The following PRDM6 variants were observed in gnomAD, a reference collection of about 807,000 sequenced individuals.
PRDM6 encodes putative histone-lysine N-methyltransferase PRDM6.
Under a neutral mutation model 60.8 loss-of-function variants are expected in PRDM6, and 25 were observed. The observed-to-expected ratio is 0.41, with a 90% CI of 0.30 to 0.57. The LOEUF (loss-of-function observed/expected upper bound fraction) is 0.57. Among genes scored for constraint, PRDM6 ranks in the 20% least tolerant of loss-of-function variants. PRDM6 has a pLI of 0.27. For synonymous variants in PRDM6, 407 were observed against 357.4 expected, an observed-to-expected ratio of 1.14 and a Z score of -1.57; for missense variants, 839 against 821.3, an observed-to-expected ratio of 1.02 and a Z score of -0.26.
At chr5:123,138,391 C>G (rs1765017452) in intron 3 of PRDM6, among the ~76,000 whole-genome samples, 1 of 152,198 alleles carries the variant, frequency 6.6e-6, no homozygotes, top group Admixed American at 6.5e-5. Context: ...GTTATCTAAT[C>G]ACATGCATAT....
At chr5:123,100,070 C>G in intron 3 of PRDM6, 109 bp downstream of exon 3, 1 of 1,145,048 alleles carries the variant, frequency 8.7e-7, no homozygotes, top group Non-Finnish European at 1.2e-6. Flanking sequence ...GCGAAGAGAG[C>G]CTCCCTTGGC....
chr5:123,105,190 A>G (rs1339328862), intron 3 of PRDM6, among the ~76,000 whole-genome samples: 2 of 152,274 alleles, frequency 1.3e-5, no homozygotes, highest in African/African-American at 4.8e-5. Flanking sequence ...ATATGAAGAA[A>G]ATAATTCACA....
At chr5:123,123,139 CCT>C (rs1157965848) in intron 3 of PRDM6, among the ~76,000 whole-genome samples, 1 of 152,136 alleles carries the variant, frequency 6.6e-6, no homozygotes, top group Non-Finnish European at 1.5e-5. Flanking sequence ...TTTACACTCC[CCT>C]GATAGGGTGA....
chr5:123,153,551 A>C (rs969318809), intron 3 of PRDM6, among the ~76,000 whole-genome samples: 1 of 152,218 alleles, frequency 6.6e-6, no homozygotes, highest in Non-Finnish European at 1.5e-5. Context: ...AGCTAAAGCC[A>C]GGAAAACCAA....
intron 5 of PRDM6, among the ~76,000 whole-genome samples, chr5:123,165,740 A>G (rs1765737923): frequency 1.3e-5 from 2 of 152,072 alleles, no homozygotes; most frequent in African/African-American, 2.4e-5. Flanking sequence ...TCCCCCTTTT[A>G]TTCTCTGGCT....
intron 3 of PRDM6, among the ~76,000 whole-genome samples, chr5:123,101,159 A>T (rs980102890): frequency 8.5e-5 from 13 of 152,096 alleles, no homozygotes; most frequent in African/African-American, 3.1e-4. Flanking sequence ...AATCCACTCA[A>T]ATTTTTGATG....
chr5:123,128,624 T>C (rs1764748021), intron 3 of PRDM6, among the ~76,000 whole-genome samples: 1 of 152,234 alleles, frequency 6.6e-6, no homozygotes, highest in Admixed American at 6.5e-5. Context: ...TTGTTTGTTT[T>C]TTTCTTGTAA....
At chr5:123,142,535 T>G (rs1765128426) in intron 3 of PRDM6, among the ~76,000 whole-genome samples, 1 of 152,144 alleles carries the variant, frequency 6.6e-6, no homozygotes, top group Non-Finnish European at 1.5e-5. Flanking sequence ...TTAATGTGAT[T>G]ATATGTTTTC....
chr5:123,170,763 T>C lies in PRDM6; in HGVS notation c.1154-3T>C. 1 of 1,541,580 alleles carries C rather than the reference T, an allele frequency of 6.5e-7. No homozygotes were observed. The highest frequency in any genetic ancestry group is 8.8e-7 in the Non-Finnish European group (1 of 1,140,072). ...TTCTTCTAAACTGTTGCTATTCTCC[T>C]AGTAAATGTCCCTTCAACGGTAATG... On this transcript the variant is annotated splice_polypyrimidine_tract_variant and splice_region_variant and intron_variant, in intron 5 of 7. Coordinates refer to ENST00000407847, the MANE Select transcript of PRDM6 (RefSeq NM_001136239.4).
chr5:123,181,323 T>G (rs188579060), intron 7 of PRDM6, among the ~76,000 whole-genome samples: 6 of 152,344 alleles, frequency 3.9e-5, no homozygotes, highest in African/African-American at 1.2e-4. Flanking sequence ...ATGTATGATG[T>G]TTCACAGTAG....
Position 123,099,654 on chromosome 5 carries a change from G to A in PRDM6, c.593G>A (p.Arg198His). The A allele has an allele frequency of 2.1e-6, 3 of 1,454,958 alleles. No individual in the cohort carries two copies. The highest frequency in any genetic ancestry group is 1.5e-5 in the South Asian group (1 of 67,462). 90.1% of individuals were successfully genotyped at this position (1,454,958 alleles called of 1,614,324 possible). The stretch of plus-strand genomic sequence containing the variant: ...CCTTCCTCCTTCTTGTCTCCCGCAG[G>A]TTGCGACATGTGCGCGGACAACCGC... ...LNQHTSDPNN[R>H]CDMCADNRNG... Residue 198 changes from arginine to histidine, a missense_variant and splice_region_variant, in exon 3 of 8, where the codon CGT (arginine) becomes CAT (histidine). Physicochemically the swap from Arg to His is conservative, Grantham distance 29. Transcript: ENST00000407847. The surrounding 1 kb of genome is among the most constrained non-coding windows in gnomAD (Gnocchi z 4.0).
chr5:123,134,714 A>G (rs1374861354), intron 3 of PRDM6, among the ~76,000 whole-genome samples: 3 of 152,148 alleles, frequency 2.0e-5, no homozygotes, highest in Non-Finnish European at 4.4e-5. Flanking sequence ...TCATATCTCT[A>G]CCAATCATTT....
intron 2 of PRDM6, among the ~76,000 whole-genome samples, chr5:123,091,092 G>A (rs887464785): frequency 6.6e-6 from 1 of 152,190 alleles, no homozygotes; most frequent in African/African-American, 2.4e-5. Flanking sequence ...ACCTCTGGAG[G>A]GGTCATTTTC....
rs575994928 is a variant in PRDM6, at chr5:123,163,461, G to A, written c.1153+3823G>A. Among the ~76,000 whole-genome samples, 25 of 152,326 alleles carry A rather than the reference G, an allele frequency of 1.6e-4. No homozygotes were observed. The South Asian group carries it at 3.9e-3, about 24-fold the overall frequency. The stretch of plus-strand genomic sequence containing the variant: ...GCGGCCGTGGGTACACTCACTGCCC[G>A]GACAGCTCATTGAAAGCTGCCTTGA... On this transcript the variant is annotated intron_variant, in intron 5 of 7. Coordinates refer to ENST00000407847, the MANE Select transcript of PRDM6 (RefSeq NM_001136239.4).
chr5:123,144,443 G>A (rs908457738), intron 3 of PRDM6, among the ~76,000 whole-genome samples: 6 of 152,148 alleles, frequency 3.9e-5, no homozygotes, highest in African/African-American at 1.2e-4. Context: ...TCACAACTAG[G>A]TATAAATTAC....
intron 3 of PRDM6, among the ~76,000 whole-genome samples, chr5:123,108,502 A>C (rs1026271912): frequency 2.0e-5 from 3 of 152,176 alleles, no homozygotes; most frequent in Admixed American, 2.0e-4. Flanking sequence ...TGTTTGTCCC[A>C]AACTAATATT....
chr5:123,093,324 G>C (rs548317747), intron 2 of PRDM6, among the ~76,000 whole-genome samples: 1 of 152,130 alleles, frequency 6.6e-6, no homozygotes, highest in African/African-American at 2.4e-5. Flanking sequence ...TTTTTGCCTA[G>C]GATCAGCAAT....
At chr5:123,187,054 C>T (rs1306184206) in intron 7 of PRDM6, 33 bp from the exon 8 acceptor site, 2 of 1,504,416 alleles carry the variant, frequency 1.3e-6, no homozygotes, top group East Asian at 2.5e-5. Context: ...GGCCCCGCTC[C>T]CTGGTCTCAA....
intron 3 of PRDM6, among the ~76,000 whole-genome samples, chr5:123,114,420 C>G (rs576927746): frequency 6.6e-6 from 1 of 152,326 alleles, no homozygotes; most frequent in African/African-American, 2.4e-5. Flanking sequence ...CCCAAGAATT[C>G]CTTCCAGGCT....
Sources: gnomAD v4.1 joint callset for allele counts (sites outside exome capture counted in the v4.1 genomes callset) on GRCh38, gnomAD v4.1.1 for gene constraint, Gnocchi (gnomAD v3.1) non-coding constraint, MANE v1.5 for transcripts, NCBI Gene and HGNC (gene_info 2026-07-23, HGNC 2026-07-21) for gene names.